COL11A1: variants seen among roughly 807,000 people sequenced by gnomAD.
COL11A1 encodes the protein collagen alpha-1(XI) chain.
In COL11A1, 74 loss-of-function variants were observed where a neutral mutation model predicts 265.2. That is an observed-to-expected ratio of 0.28 (90% CI 0.23 to 0.34). The LOEUF is 0.34. COL11A1 is among the 10% of genes least tolerant of loss of function. COL11A1 has a pLI of 1.00. For missense variants in COL11A1, 2,165 were observed against 2,263.6 expected (o/e 0.96, Z 0.88); for synonymous variants, 816 against 727.6 (o/e 1.12, Z -1.96).
intron 4 of COL11A1, among the ~76,000 whole-genome samples, chr1:103,059,188 G>T (rs573650357): frequency 2.6e-5 from 4 of 152,240 alleles, no homozygotes; most frequent in Admixed American, 2.6e-4. Context: ...CAGTGTGAAA[G>T]AAAGGAAATT....
intron 30 of COL11A1, among the ~76,000 whole-genome samples, chr1:102,985,348 G>C (rs961332157): frequency 2.0e-5 from 3 of 152,034 alleles, no homozygotes; most frequent in African/African-American, 7.2e-5. Context: ...TGTTAGTACA[G>C]ATTGAACTAA....
At chr1:103,065,622 G>C (rs1671080194) in intron 4 of COL11A1, among the ~76,000 whole-genome samples, 1 of 150,840 alleles carries the variant, frequency 6.6e-6, no homozygotes. Context: ...CCTGAGATAG[G>C]GTGGACATTG....
At chr1:102,905,818 G>A (rs1157740513) in intron 54 of COL11A1, among the ~76,000 whole-genome samples, 1 of 152,024 alleles carries the variant, frequency 6.6e-6, no homozygotes, top group Non-Finnish European at 1.5e-5. Context: ...TACTCTGAAA[G>A]TGCAGTTAAT....
At chr1:102,976,383 C>T (rs1221736063) in intron 35 of COL11A1, among the ~76,000 whole-genome samples, 2 of 140,104 alleles carry the variant, frequency 1.4e-5, no homozygotes, top group African/African-American at 5.1e-5. Flanking sequence ...ACTGCAACCT[C>T]CGCCTCCTGG....
intron 46 of COL11A1, among the ~76,000 whole-genome samples, chr1:102,933,509 GACATTT>G (rs1464982112): frequency 1.3e-5 from 2 of 152,016 alleles, no homozygotes; most frequent in Non-Finnish European, 2.9e-5. Context: ...TTCAGACAGG[GACATTT>G]AAGTCTGCAG....
Position 102,978,659 on chromosome 1 carries a change from G to C in COL11A1, c.2754+49C>G, listed in dbSNP as rs375694351. ...TCTTTTCTCTGAAATCTAAATACTT[G>C]CAGAAATACTAATTTTCATTTTATA... On this transcript the variant is annotated intron_variant, in intron 35 of 66. Transcript: ENST00000370096. 2.6e-5 allele frequency: 41 copies of C among 1,567,710 alleles called. No individual in the cohort carries two copies. The African/African-American group carries it at 5.3e-4, about 20-fold the overall frequency.
intron 41 of COL11A1, among the ~76,000 whole-genome samples, chr1:102,959,153 T>C (rs751917886): frequency 6.6e-5 from 10 of 152,214 alleles, no homozygotes; most frequent in African/African-American, 2.4e-4. Context: ...GACAGATTTG[T>C]TTTCTTAAAA....
chr1:103,105,956 C>T lies in COL11A1; in HGVS notation c.106+2117G>A, dbSNP rs376421580. On this transcript the variant is annotated intron_variant, in intron 1 of 66. Coordinates refer to ENST00000370096, the MANE Select transcript of COL11A1 (RefSeq NM_001854.4). ...TCTTAAAATATAAATATCTAAACTA[C>T]CACTTAACTTTCAGGGCATTTCATG... 1.8e-4 allele frequency among the ~76,000 whole-genome samples: 27 copies of T among 152,246 alleles called. No individual in the cohort carries two copies. In the South Asian group the frequency reaches 5.0e-3, roughly 28 times the overall value.
intron 47 of COL11A1, among the ~76,000 whole-genome samples, 192 bp downstream of exon 47, chr1:102,923,144 A>C (rs1656182517): frequency 6.6e-6 from 1 of 152,190 alleles, no homozygotes; most frequent in South Asian, 2.1e-4. Context: ...TCTTGAGTGA[A>C]TATTACCTAT....
intron 1 of COL11A1, among the ~76,000 whole-genome samples, chr1:103,099,098 G>A (rs576557941): frequency 4.6e-5 from 7 of 151,708 alleles, no homozygotes; most frequent in African/African-American, 1.7e-4. Flanking sequence ...ACTATGTGGT[G>A]GATTCTGTTC....
At position 102,939,084 on chromosome 1, in the gene COL11A1, T is replaced by G; in HGVS notation, c.3389A>C (p.Glu1130Ala). 6.2e-7 allele frequency: 1 copy of G among 1,613,674 alleles called. No individual in the cohort carries two copies. Among genetic ancestry groups the G allele is most frequent in the Non-Finnish European group, 8.5e-7 (1 of 1,179,758 alleles). Residue 1130 changes from glutamate to alanine, a missense_variant, in exon 44 of 67, where the codon GAA becomes GCA. Glu to Ala is a moderately radical substitution (Grantham distance 107). Transcript: ENST00000370096. ...GSPGEDGDKG[E>A]IGEPGQKGSK... Reference sequence around the variant, plus strand: ...GCCTTTTTGTCCCGGCTCACCAATTTCACCCTGAAATTGAAAGATTTGACT... The same window carrying G: ...GCCTTTTTGTCCCGGCTCACCAATTGCACCCTGAAATTGAAAGATTTGACT...
At chr1:102,941,638 C>T (rs1229140591) in intron 42 of COL11A1, among the ~76,000 whole-genome samples, 1 of 152,144 alleles carries the variant, frequency 6.6e-6, no homozygotes, top group Non-Finnish European at 1.5e-5. Flanking sequence ...TGGAATGCCC[C>T]TATGAGAACT....
intron 54 of COL11A1, among the ~76,000 whole-genome samples, chr1:102,906,463 A>G (rs900863480): frequency 2.6e-5 from 4 of 152,132 alleles, no homozygotes; most frequent in African/African-American, 9.7e-5. Context: ...ATTGGAGTAC[A>G]GTAGAACAAT....
intron 4 of COL11A1, among the ~76,000 whole-genome samples, chr1:103,047,636 C>T (rs1022523212): frequency 6.6e-6 from 1 of 152,150 alleles, no homozygotes; most frequent in Admixed American, 6.5e-5. Flanking sequence ...ACTTCCAACG[C>T]TATGTTGAAT....
chr1:102,998,016 G>A (rs1664788998), intron 25 of COL11A1, among the ~76,000 whole-genome samples: 1 of 151,704 alleles, frequency 6.6e-6, no homozygotes, highest in Admixed American at 6.6e-5. Context: ...ATATGTGAGT[G>A]GACCTGCTTA....
Position 103,021,137 on chromosome 1 carries a change from C to T in COL11A1, c.1308+570G>A, listed in dbSNP as rs79092885. 9.3e-3 allele frequency among the ~76,000 whole-genome samples: 1,398 copies of T among 150,134 alleles called. 19 individuals are homozygous for T. The highest frequency in any genetic ancestry group is 0.031 in the African/African-American group (1,283 of 41,046). On this transcript the variant is annotated intron_variant, in intron 9 of 66. Coordinates refer to ENST00000370096, the MANE Select transcript of COL11A1 (RefSeq NM_001854.4). ...TATTAGCAGGAAACAATGGCAAAAC[C>T]GCTTCCAAGTAAGAATCTGTTTCTT...
rs149050162 is a variant in COL11A1 at position 103,072,118 on chromosome 1, G to A, written c.651+2500C>T. ...GCTGAAATTATAAAATCTGAATTAT[G>A]AGTCTATATGCTCTTCTTGTGGTGA... On this transcript the variant is annotated intron_variant, in intron 4 of 66. Coordinates refer to ENST00000370096, the MANE Select transcript of COL11A1 (RefSeq NM_001854.4). Among the ~76,000 whole-genome samples, 504 of 151,932 alleles carry A rather than the reference G, an allele frequency of 3.3e-3. 5 individuals are homozygous for A. Among genetic ancestry groups the A allele is most frequent in the Non-Finnish European group, 5.9e-3 (398 of 67,840 alleles).
chr1:102,977,757 C>T (rs532243826), intron 35 of COL11A1, among the ~76,000 whole-genome samples: 11 of 152,106 alleles, frequency 7.2e-5, no homozygotes, highest in Admixed American at 2.0e-4. Flanking sequence ...AATTTGGGAA[C>T]AGTTCATCGA....
At chr1:103,049,196 G>T (rs949695980) in intron 4 of COL11A1, among the ~76,000 whole-genome samples, 1 of 152,076 alleles carries the variant, frequency 6.6e-6, no homozygotes, top group Non-Finnish European at 1.5e-5. Context: ...GTTGACAGTG[G>T]GGTGTTAAAG....
Sources: allele counts gnomAD v4.1 joint callset (sites outside exome capture counted in the v4.1 genomes callset), GRCh38; gene constraint gnomAD v4.1.1; transcripts MANE v1.5; gene names NCBI Gene and HGNC (gene_info 2026-07-23, HGNC 2026-07-21).